The following ZNF142 variants were observed in gnomAD, a reference collection of about 807,000 sequenced individuals.
ZNF142 encodes zinc finger protein 142.
ZNF142 carries 96 observed loss-of-function variants against 132.1 expected under a neutral mutation model. The ratio of observed to expected loss-of-function variants is 0.73; its 90% CI spans 0.62 to 0.86. ZNF142 has a LOEUF of 0.86. ZNF142 is among the 40% of genes least tolerant of loss of function. ZNF142 has a pLI of 0.00. For missense variants in ZNF142, 2,163 were observed against 2,336.2 expected, an observed-to-expected ratio of 0.93 and a Z score of 1.53; for synonymous variants, 842 against 890.1, an observed-to-expected ratio of 0.95 and a Z score of 0.96.
intron 7 of ZNF142, 150 bp from the exon 8 acceptor site, chr2:218,646,498 A>C: frequency 1.2e-6 from 1 of 847,040 alleles, no homozygotes. Flanking sequence ...CACAATAATA[A>C]AGGGCTGCTT....
In ZNF142 at chr2:218,648,650, T is replaced by C. The variant is rs766750194; in HGVS notation, c.1858A>G (p.Met620Val). The change falls in exon 7 of 11, where the codon ATG (methionine) becomes GTG (valine). Residue 620 changes from methionine (M) to valine (V), a missense_variant. By Grantham distance (21) the Met-to-Val change is conservative. This residue lies in a region of ZNF142 where 749 missense variants were observed against 830.3 expected (regional missense o/e 0.90). Transcript: ENST00000411696. ...ACCATCCTACCCGTATGTAGAAGCATGTGTCGGATGAGCACCCTCTTGTGG... is the reference window on the plus strand; with the variant it reads ...ACCATCCTACCCGTATGTAGAAGCACGTGTCGGATGAGCACCCTCTTGTGG... The part of the protein sequence containing the change: ...TAHKRVLIRH[M>V]LLHTGEKPHK... The C allele has an allele frequency of 6.2e-6, 10 of 1,613,256 alleles. No homozygotes were observed. The Admixed American group carries it at 6.7e-5, about 11-fold the overall frequency.
At chr2:218,657,523 G>A (rs1023549770) in intron 3 of ZNF142, among the ~76,000 whole-genome samples, 3 of 152,056 alleles carry the variant, frequency 2.0e-5, no homozygotes, top group South Asian at 4.2e-4. Flanking sequence ...CTGCCTCCTG[G>A]GTTCAAGCGA....
Position 218,640,656 on chromosome 2 carries a change from A to C in ZNF142, c.5194+8T>G. Reference sequence around the variant, plus strand: ...CCCTTCAGGCCTGTCGAAACCACACAGACTCACCTGTATGCTTGGTCATGT... The same window carrying C: ...CCCTTCAGGCCTGTCGAAACCACACCGACTCACCTGTATGCTTGGTCATGT... On this transcript the variant is annotated splice_region_variant and intron_variant, in intron 10 of 10. Transcript: ENST00000411696. 1 of 1,613,872 alleles carries C rather than the reference A, an allele frequency of 6.2e-7. No homozygotes were observed. The highest frequency in any genetic ancestry group is 8.5e-7 in the Non-Finnish European group (1 of 1,179,772).
At position 218,638,506 on chromosome 2, in the gene ZNF142, TTTGCTTGGCCTTGTAG is replaced by T; in HGVS notation, c.5481_5496del (p.Asn1827LysfsTer81). On this transcript the variant is annotated frameshift_variant, in exon 11 of 11. Transcript: ENST00000411696. LOFTEE classifies it high-confidence loss of function. Reference sequence around the variant, plus strand: ...CGTACGTGCTTGACCACCTGGAACTTTTGCTTGGCCTTGTAGTTGCAGAGGCGGCAAAAGAAGGGGT... The same window carrying T: ...CGTACGTGCTTGACCACCTGGAACTTTTGCAGAGGCGGCAAAAGAAGGGGT... The T allele has an allele frequency of 6.2e-6, 10 of 1,606,834 alleles. No individual in the cohort carries two copies. The highest frequency in any genetic ancestry group is 8.5e-6 in the Non-Finnish European group (10 of 1,174,932).
At chr2:218,655,383 G>A (rs1938389765) in intron 4 of ZNF142, among the ~76,000 whole-genome samples, 2 of 152,146 alleles carry the variant, frequency 1.3e-5, no homozygotes, top group Admixed American at 6.5e-5. Context: ...AAACAGGGAA[G>A]CTTCCTAAAA....
chr2:218,655,865 G>A (rs1213344929), intron 4 of ZNF142, among the ~76,000 whole-genome samples: 1 of 152,172 alleles, frequency 6.6e-6, no homozygotes, highest in Non-Finnish European at 1.5e-5. Flanking sequence ...GTAGGGACAA[G>A]CCAGGATTGG....
At position 218,645,046 on chromosome 2, in the gene ZNF142, G is replaced by A. The variant is rs773069597; in HGVS notation, c.2070C>T (p.Cys690=). 1.2e-6 allele frequency: 2 copies of A among 1,607,718 alleles called. No homozygotes were observed. Among genetic ancestry groups the A allele is most frequent in the Admixed American group, 1.7e-5 (1 of 59,926 alleles). Residue 690 remains cysteine (C), a synonymous_variant, in exon 9 of 11, where the codon TGC becomes TGT. Coordinates refer to ENST00000411696, the MANE Select transcript of ZNF142 (RefSeq NM_001379659.1). The part of the protein sequence containing the change: ...AGDLRYQCNQ[C]SYRCHRADQL... ...GATCAGCCCGGTGACAGCGATAGGAGCACTGGTTGCACTGATACCTGGCAA... is the reference window on the plus strand; with the variant it reads ...GATCAGCCCGGTGACAGCGATAGGAACACTGGTTGCACTGATACCTGGCAA...
chr2:218,644,835 T>A lies in ZNF142; in HGVS notation c.2281A>T (p.Ser761Cys). ...CGGGTATGCTTGCAGTTCTCATGGCTCAGCACAGCCTGCTTGTGGCGGCTC... is the reference window on the plus strand; with the variant it reads ...CGGGTATGCTTGCAGTTCTCATGGCACAGCACAGCCTGCTTGTGGCGGCTC... The part of the protein sequence containing the change: ...YQSRHKQAVL[S>C]HENCKHTRLR... The change falls in exon 9 of 11, where the codon AGC (serine) becomes TGC (cysteine). Residue 761 changes from serine (S) to cysteine (C), a missense_variant. Ser to Cys is a moderately radical substitution (Grantham distance 112). Coordinates refer to ENST00000411696, the MANE Select transcript of ZNF142 (RefSeq NM_001379659.1). This position sits in a 1 kb window ranked among gnomAD's most constrained non-coding sequence, Gnocchi z 4.6. The A allele has an allele frequency of 6.2e-7, 1 of 1,614,212 alleles. No individual in the cohort carries two copies. The highest frequency in any genetic ancestry group is 1.1e-5 in the South Asian group (1 of 91,088).
chr2:218,638,333 A>T lies in ZNF142; in HGVS notation c.*6T>A, dbSNP rs1246001398. ...CCTCTTCCTATACAGGAGGTGGGGC[A>T]GGCTTTCAGCCCTCAGGTCCAGTGT... On this transcript the variant is annotated 3_prime_UTR_variant, in exon 11 of 11. Transcript: ENST00000411696. 6.6e-7 allele frequency: 1 copy of T among 1,509,926 alleles called. No homozygotes were observed. Among genetic ancestry groups the T allele is most frequent in the African/African-American group, 1.4e-5 (1 of 71,584 alleles). The allele number at this position is 1,509,926 out of a possible 1,614,324, so 93.5% of individuals were successfully genotyped here. A position where few individuals can be genotyped will look rare whatever the true frequency, so the allele number is the denominator to read the frequency against.
In ZNF142 at chr2:218,635,527, T is replaced by G. The variant is rs745368762; in HGVS notation, c.*2812A>C. On this transcript the variant is annotated 3_prime_UTR_variant, in exon 11 of 11. Coordinates refer to ENST00000411696, the MANE Select transcript of ZNF142 (RefSeq NM_001379659.1). Reference sequence around the variant, plus strand: ...CTAATTTTTGTATTTTTAGTAGAGATAGGGTTTCACCATGTTGGCCAGGCT... The same window carrying G: ...CTAATTTTTGTATTTTTAGTAGAGAGAGGGTTTCACCATGTTGGCCAGGCT... Among the ~76,000 whole-genome samples the G allele has an allele frequency of 1.3e-5, 2 of 151,986 alleles. No homozygotes were observed. Among genetic ancestry groups the G allele is most frequent in the Admixed American group, 6.6e-5 (1 of 15,238 alleles).
chr2:218,639,733 G>GAAGA (rs778979276), intron 10 of ZNF142, among the ~76,000 whole-genome samples: 3 of 101,848 alleles, frequency 2.9e-5, no homozygotes, highest in Non-Finnish European at 5.7e-5. Context: ...CCCTGTCACT[G>GAAGA]AAAAAAAAAA....
chr2:218,647,579 T>C (rs1697856029), intron 7 of ZNF142, among the ~76,000 whole-genome samples: 1 of 152,136 alleles, frequency 6.6e-6, no homozygotes, highest in African/African-American at 2.4e-5. Flanking sequence ...CCATGTGGGT[T>C]TGAGCAGTCT....
chr2:218,651,530 A>C (rs1021894311), intron 5 of ZNF142, among the ~76,000 whole-genome samples, 171 bp downstream of exon 5: 2 of 152,244 alleles, frequency 1.3e-5, no homozygotes, highest in Non-Finnish European at 2.9e-5. Flanking sequence ...CATATATTCC[A>C]ACTGTTTCAA....
Position 218,644,795 on chromosome 2 carries a change from T to G in ZNF142, c.2321A>C (p.His774Pro), listed in dbSNP as rs760709284. The G allele has an allele frequency of 1.2e-5, 20 of 1,614,010 alleles. No individual in the cohort carries two copies. The highest frequency in any genetic ancestry group is 1.7e-5 in the Non-Finnish European group (20 of 1,180,028). Residue 774 changes from histidine (H) to proline (P), a missense_variant, in exon 9 of 11, where the codon CAC (histidine) becomes CCC (proline). This residue lies in a region of ZNF142 where 749 missense variants were observed against 830.3 expected (regional missense o/e 0.90). Coordinates refer to ENST00000411696, the MANE Select transcript of ZNF142 (RefSeq NM_001379659.1). This position sits in a 1 kb window ranked among gnomAD's most constrained non-coding sequence, Gnocchi z 4.6. ...GGTGCGGTAGTCACAGAGGGCACAG[T>G]GGAACTCACGGAGGCGGGTATGCTT... is the stretch of plus-strand genomic sequence containing the variant. ...NCKHTRLREF[H>P]CALCDYRTFS...
chr2:218,633,383 C>T lies in ZNF142; in HGVS notation c.*4956G>A. 1 of 706,820 alleles carries T rather than the reference C, an allele frequency of 1.4e-6. No individual in the cohort carries two copies. 43.8% of individuals were successfully genotyped at this position (706,820 alleles called of 1,614,324 possible). The stretch of plus-strand genomic sequence containing the variant: ...CCGCCTTTATTCCCATTCCCACCCC[C>T]AGGTTGTGACGTGCCCGCTGTTTTG... On this transcript the variant is annotated 3_prime_UTR_variant, in exon 11 of 11. Coordinates refer to ENST00000411696, the MANE Select transcript of ZNF142 (RefSeq NM_001379659.1).
In ZNF142 at chr2:218,634,602, C is replaced by G; in HGVS notation, c.*3737G>C. On this transcript the variant is annotated 3_prime_UTR_variant, in exon 11 of 11. Transcript: ENST00000411696. The surrounding 1 kb of genome is among the most constrained non-coding windows in gnomAD (Gnocchi z 4.0). ...TTCCACCCTGAGAAGCCCATCAGCCCTTTCAAAGCCCAGACTCTCTTAATC... is the reference window on the plus strand; with the variant it reads ...TTCCACCCTGAGAAGCCCATCAGCCGTTTCAAAGCCCAGACTCTCTTAATC... The G allele has an allele frequency of 6.2e-7, 1 of 1,614,018 alleles. No homozygotes were observed. Among genetic ancestry groups the G allele is most frequent in the Non-Finnish European group, 8.5e-7 (1 of 1,179,896 alleles).
rs1381226290 is a variant in ZNF142 at position 218,634,901 on chromosome 2, C to T, written c.*3438G>A. On this transcript the variant is annotated 3_prime_UTR_variant, in exon 11 of 11. Transcript: ENST00000411696. This position sits in a 1 kb window ranked among gnomAD's most constrained non-coding sequence, Gnocchi z 4.0. ...CCTCACAGGGTTATAAGGAGTATAA[C>T]AGTTAATATAAAGTTCTTACAATTC... 6.6e-6 allele frequency among the ~76,000 whole-genome samples: 1 copy of T among 152,078 alleles called. No homozygotes were observed. The highest frequency in any genetic ancestry group is 2.4e-5 in the African/African-American group (1 of 41,416).
intron 6 of ZNF142, 67 bp from the exon 7 acceptor site, chr2:218,649,526 A>G (rs1937784767): frequency 1.4e-6 from 2 of 1,408,374 alleles, no homozygotes; most frequent in Non-Finnish European, 1.9e-6. Context: ...TAATGGGAGA[A>G]CCACAATTTG....
chr2:218,636,223 CTT>C lies in ZNF142; in HGVS notation c.*2114_*2115del. 2 of 1,609,690 alleles carry C rather than the reference CTT, an allele frequency of 1.2e-6. No individual in the cohort carries two copies. Among genetic ancestry groups the C allele is most frequent in the Non-Finnish European group, 1.7e-6 (2 of 1,176,052 alleles). On this transcript the variant is annotated 3_prime_UTR_variant, in exon 11 of 11. Transcript: ENST00000411696. ...AAACTGTCATAATGTCTTCTTATTT[CTT>C]TCTGTCCACCAACTCAGGTTTTAAT...
Sources: allele counts gnomAD v4.1 joint callset (sites outside exome capture counted in the v4.1 genomes callset), GRCh38; gene constraint gnomAD v4.1.1; regional missense constraint gnomAD v4.1.1; non-coding constraint Gnocchi (gnomAD v3.1); transcripts MANE v1.5; gene names NCBI Gene and HGNC (gene_info 2026-07-23, HGNC 2026-07-21).